Variants in NIPBL observed in about 807,000 individuals in gnomAD.
NIPBL encodes the protein NIPBL cohesin loading factor.
NIPBL carries 19 observed loss-of-function variants against 321.8 expected under a neutral mutation model. The ratio of observed to expected loss-of-function variants is 0.06; its 90% CI spans 0.04 to 0.09. The LOEUF is 0.09. Among genes scored for constraint, NIPBL ranks in the 10% least tolerant of loss-of-function variants. The pLI is 1.00. For missense variants in NIPBL, 2,210 were observed against 3,327.0 expected (o/e 0.66, Z 8.26); for synonymous variants, 1,106 against 1,114.1 (o/e 0.99, Z 0.14).
In NIPBL at chr5:37,051,816, A is replaced by G. The variant is rs1445075731; in HGVS notation, c.6992A>G (p.Glu2331Gly). 6.2e-7 allele frequency: 1 copy of G among 1,614,090 alleles called. No individual in the cohort carries two copies. Among genetic ancestry groups the G allele is most frequent in the Admixed American group, 1.7e-5 (1 of 60,024 alleles). The change falls in exon 41 of 47, where the codon GAA (glutamate) becomes GGA (glycine). Residue 2331 changes from glutamate to glycine, a missense_variant. Glu to Gly is a moderately conservative substitution (Grantham distance 98, BLOSUM62 -2). Transcript: ENST00000282516. ...PYLIAMGTDP[E>G]PAMRNKADQQ... ...TTAATTGCTATGGGCACAGACCCAGAACCTGCTATGCGGAACAAGGCTGAT... is the reference window on the plus strand; with the variant it reads ...TTAATTGCTATGGGCACAGACCCAGGACCTGCTATGCGGAACAAGGCTGAT...
intron 21 of NIPBL, among the ~76,000 whole-genome samples, chr5:37,012,334 T>C (rs1748236011): frequency 6.7e-6 from 1 of 149,822 alleles, no homozygotes; most frequent in South Asian, 2.1e-4. Context: ...TTTTTTTTTA[T>C]CTTGGTGATA....
intron 4 of NIPBL, among the ~76,000 whole-genome samples, chr5:36,958,944 C>A (rs137897632): frequency 1.3e-5 from 2 of 152,246 alleles, no homozygotes; most frequent in Admixed American, 1.3e-4. Flanking sequence ...TGGTGACTCA[C>A]GCCTGTAATC....
At chr5:37,019,266 C>A in intron 24 of NIPBL, 45 bp from the exon 25 acceptor site, 2 of 1,217,590 alleles carry the variant, frequency 1.6e-6, no homozygotes, top group South Asian at 1.2e-5. Flanking sequence ...TTTATTAAAG[C>A]ACACCAGTAA....
intron 6 of NIPBL, among the ~76,000 whole-genome samples, chr5:36,963,072 C>G (rs1741811220): frequency 6.6e-6 from 1 of 151,950 alleles, no homozygotes; most frequent in African/African-American, 2.4e-5. Context: ...ATTACCAGTT[C>G]TTACTTGATT....
chr5:37,037,558 A>G lies in NIPBL; in HGVS notation c.5972-1044A>G, dbSNP rs72736720. On this transcript the variant is annotated intron_variant, in intron 33 of 46. Transcript: ENST00000282516. ...AGTTGTTCTCCAAAATTGGGAGCCA[A>G]TAGCCTCTAACAGCCGTCCATTTAT... Among the ~76,000 whole-genome samples, 1,139 of 150,802 alleles carry G rather than the reference A, an allele frequency of 7.6e-3. 11 individuals are homozygous for G. Among genetic ancestry groups the G allele is most frequent in the Non-Finnish European group, 0.012 (844 of 67,718 alleles).
intron 6 of NIPBL, among the ~76,000 whole-genome samples, chr5:36,965,205 A>G (rs1742068384): frequency 6.6e-6 from 1 of 152,086 alleles, no homozygotes; most frequent in Non-Finnish European, 1.5e-5. Context: ...GGGAATCAGT[A>G]TACTGAAGAG....
intron 1 of NIPBL, among the ~76,000 whole-genome samples, chr5:36,909,827 C>T (rs1747911848): frequency 6.6e-6 from 1 of 152,086 alleles, no homozygotes; most frequent in Non-Finnish European, 1.5e-5. Flanking sequence ...CCAGTGATCC[C>T]AGCACTTTGG....
At chr5:37,026,160 G>T in intron 30 of NIPBL, 69 bp from the exon 31 acceptor site, 2 of 875,778 alleles carry the variant, frequency 2.3e-6, no homozygotes, top group Non-Finnish European at 1.9e-6. Context: ...TGGGCCTAAT[G>T]AGAATTTGGA....
At chr5:37,062,081 A>G (rs1466666004) in intron 45 of NIPBL, among the ~76,000 whole-genome samples, 2 of 152,134 alleles carry the variant, frequency 1.3e-5, no homozygotes, top group Non-Finnish European at 2.9e-5. Context: ...ACCTCAGGTG[A>G]TCCGCCGGCC....
chr5:36,975,622 C>T (rs2149627573), intron 8 of NIPBL, among the ~76,000 whole-genome samples, 154 bp from the exon 9 acceptor site: 3 of 152,132 alleles, frequency 2.0e-5, no homozygotes, highest in Middle Eastern at 6.8e-3. Flanking sequence ...AGTTTTTAAG[C>T]TTTCTTTTCA....
intron 42 of NIPBL, 108 bp downstream of exon 42, chr5:37,052,674 T>C: frequency 1.2e-6 from 1 of 818,726 alleles, no homozygotes; most frequent in Non-Finnish European, 2.0e-6. Flanking sequence ...GATAGTAACT[T>C]CATTAAGTGT....
chr5:37,000,663 A>C (rs1746684609), intron 12 of NIPBL, 93 bp downstream of exon 12: 2 of 1,396,188 alleles, frequency 1.4e-6, no homozygotes, highest in African/African-American at 1.4e-5. Context: ...TTATGAGTTA[A>C]TAACTAATTT....
intron 32 of NIPBL, among the ~76,000 whole-genome samples, chr5:37,030,254 T>C (rs1435353626): frequency 6.6e-6 from 1 of 152,206 alleles, no homozygotes; most frequent in African/African-American, 2.4e-5. Flanking sequence ...ATCCTATTCA[T>C]GCTCTCTATT....
At chr5:36,903,732 G>A (rs1189179063) in intron 1 of NIPBL, among the ~76,000 whole-genome samples, 1 of 152,120 alleles carries the variant, frequency 6.6e-6, no homozygotes, top group African/African-American at 2.4e-5. Flanking sequence ...GTGATTTTAG[G>A]CTACTTCTTA....
chr5:36,950,222 T>A (rs1397174718), intron 1 of NIPBL, among the ~76,000 whole-genome samples: 1 of 152,066 alleles, frequency 6.6e-6, no homozygotes, highest in Admixed American at 6.5e-5. Flanking sequence ...ATAGATCTTT[T>A]AGAAGTAGGA....
chr5:36,936,923 A>G (rs1241981530), intron 1 of NIPBL, among the ~76,000 whole-genome samples: 1 of 151,676 alleles, frequency 6.6e-6, no homozygotes, highest in African/African-American at 2.4e-5. Flanking sequence ...TCTGTACCTC[A>G]TAATATAGGC....
intron 5 of NIPBL, 57 bp from the exon 6 acceptor site, chr5:36,962,066 G>GGA: frequency 6.3e-7 from 1 of 1,592,694 alleles, no homozygotes; most frequent in South Asian, 1.1e-5. Flanking sequence ...CAGATTTCAA[G>GGA]GAATAGCGTG....
intron 10 of NIPBL, among the ~76,000 whole-genome samples, chr5:36,991,745 GTTTTTT>G (rs34780358): frequency 1.6e-5 from 2 of 127,570 alleles, no homozygotes; most frequent in Non-Finnish European, 3.4e-5. Context: ...GCCTGCCCAA[GTTTTTT>G]TTTTTTTTTT....
intron 25 of NIPBL, 36 bp downstream of exon 25, chr5:37,019,436 T>C: frequency 6.8e-7 from 1 of 1,478,522 alleles, no homozygotes; most frequent in Non-Finnish European, 9.5e-7. Context: ...AGATACTACA[T>C]GTTTATTTAA....
Sources: allele counts gnomAD v4.1 joint callset (sites outside exome capture counted in the v4.1 genomes callset), GRCh38; gene constraint gnomAD v4.1.1; transcripts MANE v1.5; gene names NCBI Gene and HGNC (gene_info 2026-07-23, HGNC 2026-07-21).